TOP2B: variants seen among roughly 807,000 people sequenced by gnomAD.
TOP2B encodes the protein DNA topoisomerase II beta.
TOP2B carries 51 observed loss-of-function variants against 193.5 expected under a neutral mutation model. The ratio of observed to expected loss-of-function variants is 0.26; its 90% confidence interval spans 0.21 to 0.33. The LOEUF (loss-of-function observed/expected upper bound fraction) is 0.33, where lower values mean the gene tolerates loss of function less well. Ranked by LOEUF, TOP2B falls within the 10% of genes least tolerant of loss-of-function variation. The pLI is 1.00. For missense variants in TOP2B, 1,378 were observed against 1,909.3 expected, an observed-to-expected ratio of 0.72 and a Z score of 5.19; for synonymous variants, 634 against 635.7, an observed-to-expected ratio of 1.00 and a Z score of 0.04.
Position 25,604,082 on chromosome 3 carries a change from T to C in TOP2B, c.4489+678A>G, listed in dbSNP as rs868107426. ...GCAGGACTTTTCAAAATTGTTGTTC[T>C]GCTACATTCAATACATGTGTCTGTA... On this transcript the variant is annotated intron_variant, in intron 33 of 35. Coordinates refer to ENST00000264331, the MANE Select transcript of TOP2B (RefSeq NM_001330700.2). Among the ~76,000 whole-genome samples, 3 of 152,264 alleles carry C rather than the reference T, an allele frequency of 2.0e-5. No homozygotes were observed. The South Asian group carries it at 6.2e-4, about 31-fold the overall frequency.
chr3:25,626,499 G>A, intron 18 of TOP2B, 61 bp downstream of exon 18: 1 of 934,092 alleles, frequency 1.1e-6, no homozygotes, highest in Non-Finnish European at 1.6e-6. Flanking sequence ...ATGGCTTAAA[G>A]TACATGAAAT....
chr3:25,608,074 T>A (rs4256092), intron 30 of TOP2B, among the ~76,000 whole-genome samples: 54,370 of 152,148 alleles, frequency 0.36, 10,288 homozygotes, highest in African/African-American at 0.48. Context: ...CGTGAGCCAC[T>A]GTACCGACAC....
intron 21 of TOP2B, among the ~76,000 whole-genome samples, chr3:25,621,654 T>C (rs1702660594): frequency 6.6e-6 from 1 of 151,904 alleles, no homozygotes; most frequent in Admixed American, 6.6e-5. Flanking sequence ...TCACTGCACC[T>C]GGCCTACTCT....
At chr3:25,629,278 T>G in intron 13 of TOP2B, 133 bp from the exon 14 acceptor site, 1 of 577,480 alleles carries the variant, frequency 1.7e-6, no homozygotes, top group Admixed American at 3.7e-5. Context: ...CAAAAGCTAT[T>G]AAGATGATCA....
rs1325585159 is a variant in TOP2B at position 25,638,259 on chromosome 3, T to C, written c.447A>G (p.Val149=). ...CATAAACTTTCTCTACCTTGTGTTC[T>C]ACTACTGGAATGCCTTTCCCATTAT... The part of the protein sequence containing the change: ...IWNNGKGIPV[V]EHKVEKVYVP... Residue 149 remains valine, a synonymous_variant, in exon 5 of 36, where the codon GTA becomes GTG. Transcript: ENST00000264331. 2 of 1,502,380 alleles carry C rather than the reference T, an allele frequency of 1.3e-6. No individual in the cohort carries two copies. The highest frequency in any genetic ancestry group is 1.8e-6 in the Non-Finnish European group (2 of 1,122,652). 93.1% of individuals were successfully genotyped at this position (1,502,380 alleles called of 1,614,324 possible).
Position 25,601,103 on chromosome 3 carries a change from T to G in TOP2B, c.4612A>C (p.Lys1538Gln), listed in dbSNP as rs769790327. The G allele has an allele frequency of 6.2e-6, 10 of 1,613,228 alleles. No individual in the cohort carries two copies. In the African/African-American group the frequency reaches 1.1e-4, roughly 17 times the overall value. The change falls in exon 34 of 36, where the codon AAA becomes CAA. Residue 1538 changes from lysine to glutamine, a missense_variant. Transcript: ENST00000264331. ...GTTATAAGAAGATAATCCTCACCTT[T>G]TGGTGTTGTAGTCTTCTTTGGAATG... ...FGIPKKTTTP[K>Q]GKGRGAKKRK... is the part of the protein sequence containing the mutation.
intron 10 of TOP2B, 24 bp from the exon 11 acceptor site, chr3:25,630,963 T>C (rs752385273): frequency 1.4e-5 from 22 of 1,551,444 alleles, no homozygotes; most frequent in Admixed American, 8.8e-5. Context: ...AATAATGGTA[T>C]ACAAACAAGC....
chr3:25,601,329 G>A (rs775037209), intron 33 of TOP2B, 104 bp from the exon 34 acceptor site: 8 of 1,390,534 alleles, frequency 5.8e-6, no homozygotes, highest in Non-Finnish European at 7.7e-6. Flanking sequence ...TAGAAACTGA[G>A]TTGCCTGGCT....
In TOP2B at chr3:25,645,466, A is replaced by G; in HGVS notation, c.74T>C (p.Leu25Pro). The G allele has an allele frequency of 6.2e-7, 1 of 1,603,628 alleles. No homozygotes were observed. Among genetic ancestry groups the G allele is most frequent in the Non-Finnish European group, 8.5e-7 (1 of 1,175,478 alleles). Residue 25 changes from leucine (L) to proline (P), a missense_variant, in exon 2 of 36, where the codon CTT becomes CCT. Physicochemically the swap from Leu to Pro is moderately conservative, Grantham distance 98 (BLOSUM62 -3). This residue lies in a region of TOP2B where 83 missense variants were observed against 59.3 expected (regional missense o/e 1.40). Transcript: ENST00000264331. ...TTTTGCAGCATTGTTCTGATCAAAAAGAGTCTAAAATTAACCAAAAAATCA... is the reference window on the plus strand; with the variant it reads ...TTTTGCAGCATTGTTCTGATCAAAAGGAGTCTAAAATTAACCAAAAAATCA... ...GGNGALTWVTLFDQNNAAKKE... is the reference protein window; with the variant it reads ...GGNGALTWVTPFDQNNAAKKE...
chr3:25,636,307 A>T (rs941660573), intron 6 of TOP2B, among the ~76,000 whole-genome samples, 159 bp from the exon 7 acceptor site: 6 of 152,148 alleles, frequency 3.9e-5, no homozygotes, highest in Admixed American at 1.3e-4. Flanking sequence ...ACAAAAAAAA[A>T]TAGTAAATAC....
At chr3:25,628,124 A>G (rs1702857493) in intron 15 of TOP2B, among the ~76,000 whole-genome samples, 1 of 151,144 alleles carries the variant, frequency 6.6e-6, no homozygotes, top group African/African-American at 2.4e-5. Context: ...AACAATTTTA[A>G]TACAGTCCAG....
intron 4 of TOP2B, among the ~76,000 whole-genome samples, chr3:25,640,565 C>G (rs1703228296): frequency 6.6e-6 from 1 of 152,080 alleles, no homozygotes; most frequent in Non-Finnish European, 1.5e-5. Context: ...TTCCCTCCCT[C>G]TTCTGCCTAC....
intron 7 of TOP2B, among the ~76,000 whole-genome samples, chr3:25,634,914 T>C (rs926954744): frequency 6.6e-6 from 1 of 151,798 alleles, no homozygotes; most frequent in Non-Finnish European, 1.5e-5. Context: ...AGTCTTTACC[T>C]ATGGAGGAGA....
At chr3:25,628,168 A>AT (rs1184178305) in intron 15 of TOP2B, among the ~76,000 whole-genome samples, 1 of 140,646 alleles carries the variant, frequency 7.1e-6, no homozygotes. Context: ...ATTTAACATT[A>AT]TTTAAAAAAA....
chr3:25,609,712 C>A lies in TOP2B; in HGVS notation c.3787G>T (p.Gly1263Cys). 1 of 1,439,486 alleles carries A rather than the reference C, an allele frequency of 6.9e-7. No homozygotes were observed. The highest frequency in any genetic ancestry group is 9.1e-7 in the Non-Finnish European group (1 of 1,097,640). The allele number at this position is 1,439,486 out of a possible 1,614,324, so 89.2% of individuals were successfully genotyped here. Reference sequence around the variant, plus strand: ...TTTACTGCTGCAGTATCAAGATCACCCTACATAATAAAAAGAAAATCAAGC... The same window carrying A: ...TTTACTGCTGCAGTATCAAGATCACACTACATAATAAAAAGAAAATCAAGC... ...ASKKLLKKKK[G>C]DLDTAAVKVE... is the part of the protein sequence containing the mutation. The change falls in exon 29 of 36, where the codon GGT becomes TGT. Residue 1263 changes from glycine to cysteine, a missense_variant and splice_region_variant. Gly to Cys is a radical substitution (Grantham distance 159, BLOSUM62 -3). Coordinates refer to ENST00000264331, the MANE Select transcript of TOP2B (RefSeq NM_001330700.2).
At chr3:25,645,809 G>C (rs1194439724) in intron 1 of TOP2B, among the ~76,000 whole-genome samples, 1 of 152,146 alleles carries the variant, frequency 6.6e-6, no homozygotes, top group African/African-American at 2.4e-5. Flanking sequence ...ACCCAGGCTA[G>C]AGTGCAATGG....
At position 25,634,001 on chromosome 3, in the gene TOP2B, C is replaced by T. The variant is rs768311598; in HGVS notation, c.866G>A (p.Arg289His). The T allele has an allele frequency of 6.2e-6, 10 of 1,602,046 alleles. No homozygotes were observed. The highest frequency in any genetic ancestry group is 6.8e-6 in the Non-Finnish European group (8 of 1,176,186). Residue 289 changes from arginine (R) to histidine (H), a missense_variant, in exon 8 of 36, where the codon CGC becomes CAC. By Grantham distance (29) the Arg-to-His change is conservative. This residue lies in a region of TOP2B where 222 missense variants were observed against 306.6 expected (regional missense o/e 0.72). Transcript: ENST00000264331. ...NGKKLPVNGF[R>H]SYVDLYVKDK... ...TTTCACATAAAGATCTACATAACTG[C>T]GAAATCCATTTACCTATTAATTTAA...
At chr3:25,641,168 C>A (rs1362023445) in intron 4 of TOP2B, among the ~76,000 whole-genome samples, 1 of 152,102 alleles carries the variant, frequency 6.6e-6, no homozygotes, top group Non-Finnish European at 1.5e-5. Flanking sequence ...TGGCTAAAAT[C>A]TTTGGACTAA....
At chr3:25,664,150 T>C (rs945486546) in intron 1 of TOP2B, 79 bp downstream of exon 1, 7 of 986,036 alleles carry the variant, frequency 7.1e-6, no homozygotes, top group Middle Eastern at 3.3e-4. Context: ...CCCTTTCCCC[T>C]CCCCCGCCCG....
Sources: gnomAD v4.1 joint callset for allele counts (sites outside exome capture counted in the v4.1 genomes callset) on GRCh38, gnomAD v4.1.1 for gene constraint, gnomAD v4.1.1 regional missense constraint, MANE v1.5 for transcripts, NCBI Gene and HGNC (gene_info 2026-07-23, HGNC 2026-07-21) for gene names.